Variants in TRIO observed in about 807,000 individuals in gnomAD.
TRIO encodes the protein triple functional domain protein.
In TRIO, 58 loss-of-function variants were observed where a neutral mutation model predicts 351.9. The observed-to-expected ratio is 0.16, with a 90% CI of 0.13 to 0.21. The LOEUF (loss-of-function observed/expected upper bound fraction) is 0.21, where lower values mean the gene tolerates loss of function less well. TRIO is among the 10% of genes least tolerant of loss of function. The pLI is 1.00. For synonymous variants in TRIO, 1,758 were observed against 1,595.7 expected, an observed-to-expected ratio of 1.10 and a Z score of -2.42; for missense variants, 3,201 against 4,027.8, an observed-to-expected ratio of 0.79 and a Z score of 5.56.
At position 14,387,326 on chromosome 5, in the gene TRIO, C is replaced by T. The variant is rs192868296; in HGVS notation, c.3571-112C>T. On this transcript the variant is annotated intron_variant, in intron 21 of 56. Coordinates refer to ENST00000344204, the MANE Select transcript of TRIO (RefSeq NM_007118.4). ...GGGCTTTGGTCTCAGTTTCTACCAT[C>T]AGCCGGTTTTCCTGTTCAGAGCTCA... 98 of 1,093,836 alleles carry T rather than the reference C, an allele frequency of 9.0e-5. 1 individual carries two copies. The African/African-American group carries it at 1.4e-3, about 16-fold the overall frequency. 67.8% of individuals were successfully genotyped at this position (1,093,836 alleles called of 1,614,324 possible). A position where few individuals can be genotyped will look rare whatever the true frequency, so the allele number is the denominator to read the frequency against.
intron 2 of TRIO, among the ~76,000 whole-genome samples, chr5:14,279,228 A>C (rs1344617228): frequency 6.6e-6 from 1 of 152,242 alleles, no homozygotes; most frequent in Non-Finnish European, 1.5e-5. Context: ...ATGAAGTTTC[A>C]TTATTATTTA....
chr5:14,413,878 G>T (rs568637411), intron 33 of TRIO, among the ~76,000 whole-genome samples: 1 of 152,302 alleles, frequency 6.6e-6, no homozygotes, highest in Admixed American at 6.5e-5. Flanking sequence ...ACTCGAAGCA[G>T]GTATTTATTC....
At chr5:14,362,970 A>G (rs1458542942) in intron 13 of TRIO, among the ~76,000 whole-genome samples, 1 of 150,196 alleles carries the variant, frequency 6.7e-6, no homozygotes, top group Non-Finnish European at 1.5e-5. Flanking sequence ...TTAAGCACCA[A>G]TATTTAGGAT....
At chr5:14,368,065 C>T (rs1228759426) in intron 16 of TRIO, among the ~76,000 whole-genome samples, 1 of 152,220 alleles carries the variant, frequency 6.6e-6, no homozygotes, top group Non-Finnish European at 1.5e-5. Context: ...GCTCTACGGC[C>T]TCACTGGAGA....
chr5:14,364,870 C>T (rs1318937902), intron 15 of TRIO, 54 bp downstream of exon 15: 30 of 1,537,704 alleles, frequency 2.0e-5, no homozygotes, highest in Non-Finnish European at 2.4e-5. Flanking sequence ...CTTGATACCT[C>T]ATCGACTTCC....
At chr5:14,341,045 G>A (rs910279543) in intron 11 of TRIO, among the ~76,000 whole-genome samples, 1 of 152,144 alleles carries the variant, frequency 6.6e-6, no homozygotes, top group Non-Finnish European at 1.5e-5. Context: ...TGTTTTTTAA[G>A]TATTTGGAAG....
intron 34 of TRIO, among the ~76,000 whole-genome samples, chr5:14,445,244 T>TG (rs1366778315): frequency 6.6e-6 from 1 of 152,190 alleles, no homozygotes; most frequent in East Asian, 1.9e-4. Context: ...GGAGTGGCAG[T>TG]GGGGGCTGGG....
chr5:14,257,640 C>T (rs115230199), intron 1 of TRIO, among the ~76,000 whole-genome samples: 1,732 of 152,080 alleles, frequency 0.011, 16 homozygotes, highest in Non-Finnish European at 0.017. Flanking sequence ...CCTTATAGTT[C>T]CTTAAATTAT....
intron 28 of TRIO, among the ~76,000 whole-genome samples, chr5:14,395,500 G>A (rs1747484242): frequency 6.6e-6 from 1 of 152,186 alleles, no homozygotes. Context: ...AAGCTCTCTT[G>A]AGCTCCCCAA....
chr5:14,336,230 C>T (rs903852743), intron 10 of TRIO, among the ~76,000 whole-genome samples: 11 of 152,162 alleles, frequency 7.2e-5, no homozygotes, highest in Non-Finnish European at 1.5e-4. Context: ...CCTGACTCCA[C>T]CTTGGCAAAA....
intron 34 of TRIO, among the ~76,000 whole-genome samples, chr5:14,443,516 TA>T (rs534082538): frequency 8.7e-4 from 132 of 152,328 alleles, no homozygotes; most frequent in Non-Finnish European, 1.6e-3. Context: ...ATCCAAGAAA[TA>T]AATCCCAAAG....
chr5:14,504,662 G>A, intron 55 of TRIO, 69 bp downstream of exon 55: 1 of 1,545,490 alleles, frequency 6.5e-7, no homozygotes. Context: ...TGTTGTTCCT[G>A]TTTGTTCTCT....
intron 16 of TRIO, among the ~76,000 whole-genome samples, chr5:14,368,262 A>C (rs548387737): frequency 6.2e-4 from 95 of 152,314 alleles, no homozygotes; most frequent in African/African-American, 2.2e-3. Context: ...AAAACTTTTC[A>C]CTGGAGTCCA....
intron 11 of TRIO, among the ~76,000 whole-genome samples, chr5:14,349,715 A>G (rs1433193494): frequency 6.6e-6 from 1 of 152,212 alleles, no homozygotes; most frequent in Non-Finnish European, 1.5e-5. Context: ...GTCTTTTAAA[A>G]AAATGTTTAT....
chr5:14,468,012 C>T lies in TRIO; in HGVS notation c.5763+2372C>T, dbSNP rs555681164. Among the ~76,000 whole-genome samples, 3 of 152,274 alleles carry T rather than the reference C, an allele frequency of 2.0e-5. No homozygotes were observed. In the South Asian group the frequency reaches 6.2e-4, roughly 32 times the overall value. On this transcript the variant is annotated intron_variant, in intron 37 of 56. Coordinates refer to ENST00000344204, the MANE Select transcript of TRIO (RefSeq NM_007118.4). The stretch of plus-strand genomic sequence containing the variant: ...CAGTTAAATGACCATTAAAATCATT[C>T]TTACCAAATAGCCGAAATGGTTTCC...
At chr5:14,393,066 A>C (rs1332399105) in intron 27 of TRIO, among the ~76,000 whole-genome samples, 2 of 151,900 alleles carry the variant, frequency 1.3e-5, no homozygotes, top group Non-Finnish European at 2.9e-5. Flanking sequence ...GAAAAAAAAA[A>C]AAAAAGGATG....
chr5:14,265,936 G>A (rs1377891152), intron 1 of TRIO, among the ~76,000 whole-genome samples: 1 of 152,296 alleles, frequency 6.6e-6, no homozygotes, highest in South Asian at 2.1e-4. Context: ...AACAAAAATA[G>A]AAAGTACTAA....
intron 1 of TRIO, among the ~76,000 whole-genome samples, chr5:14,177,921 T>G (rs1789507433): frequency 6.6e-6 from 1 of 152,274 alleles, no homozygotes; most frequent in Non-Finnish European, 1.5e-5. Flanking sequence ...CTGTTTCTAA[T>G]GCACTGCAAG....
At chr5:14,458,389 G>A (rs1300883992) in intron 34 of TRIO, among the ~76,000 whole-genome samples, 2 of 152,138 alleles carry the variant, frequency 1.3e-5, no homozygotes, top group Non-Finnish European at 2.9e-5. Flanking sequence ...TCCTGACCCA[G>A]TGCCTAGGTT....
Sources: gnomAD v4.1 joint callset for allele counts (sites outside exome capture counted in the v4.1 genomes callset) on GRCh38, gnomAD v4.1.1 for gene constraint, MANE v1.5 for transcripts, NCBI Gene and HGNC (gene_info 2026-07-23, HGNC 2026-07-21) for gene names.